Variants in ITGA11 observed in about 807,000 individuals in gnomAD.
The protein encoded by ITGA11 is integrin alpha-11.
ITGA11 carries 97 observed loss-of-function variants against 141.9 expected under a neutral mutation model. The observed-to-expected ratio is 0.68, with a 90% CI of 0.58 to 0.81. The LOEUF is 0.81. ITGA11 is among the 30% of genes least tolerant of loss of function. ITGA11 has a pLI of 0.00. For synonymous variants in ITGA11, 658 were observed against 624.6 expected, an observed-to-expected ratio of 1.05 and a Z score of -0.80; for missense variants, 1,387 against 1,559.2, an observed-to-expected ratio of 0.89 and a Z score of 1.86.
intron 3 of ITGA11, among the ~76,000 whole-genome samples, chr15:68,366,187 T>C (rs1453032474): frequency 3.3e-5 from 5 of 152,130 alleles, no homozygotes; most frequent in African/African-American, 1.2e-4. Context: ...AAAATAACAG[T>C]AAAGCCCCGG....
At chr15:68,353,140 C>T (rs557683286) in intron 7 of ITGA11, among the ~76,000 whole-genome samples, 351 of 152,320 alleles carry the variant, frequency 2.3e-3, no homozygotes, top group African/African-American at 7.2e-3. Context: ...TCTCTTCTTA[C>T]GCAGCACGCT....
At chr15:68,419,172 C>T (rs371798325) in intron 1 of ITGA11, among the ~76,000 whole-genome samples, 11 of 152,162 alleles carry the variant, frequency 7.2e-5, no homozygotes, top group Non-Finnish European at 8.8e-5. Context: ...GTGGGGATGG[C>T]GGACTTTGGG....
chr15:68,387,488 T>C (rs1226384033), intron 2 of ITGA11, among the ~76,000 whole-genome samples: 2 of 152,188 alleles, frequency 1.3e-5, no homozygotes, highest in Non-Finnish European at 2.9e-5. Context: ...TGGAGGTGGG[T>C]TCCAGCAATC....
chr15:68,425,060 A>G (rs1360032776), intron 1 of ITGA11, among the ~76,000 whole-genome samples: 2 of 152,196 alleles, frequency 1.3e-5, no homozygotes, highest in Non-Finnish European at 2.9e-5. Flanking sequence ...TCTAATTTGG[A>G]ATTCCCAGAA....
chr15:68,390,418 C>T (rs920482415), intron 2 of ITGA11, among the ~76,000 whole-genome samples: 1 of 152,014 alleles, frequency 6.6e-6, no homozygotes, highest in Non-Finnish European at 1.5e-5. Flanking sequence ...GATTTGGGGG[C>T]CGGGGCTGGG....
At chr15:68,358,388 C>A in intron 6 of ITGA11, 70 bp downstream of exon 6, 1 of 1,504,416 alleles carries the variant, frequency 6.6e-7, no homozygotes. Flanking sequence ...CTCTCTTAGA[C>A]CTAAGGCAGC....
chr15:68,417,245 C>T (rs7169854), intron 1 of ITGA11, among the ~76,000 whole-genome samples: 61,913 of 152,054 alleles, frequency 0.41, 12,953 homozygotes, highest in Non-Finnish European at 0.45. Flanking sequence ...CCCAGGTTTT[C>T]GCTTCTTAAA....
At chr15:68,327,673 C>T (rs191193828) in intron 16 of ITGA11, among the ~76,000 whole-genome samples, 464 of 152,246 alleles carry the variant, frequency 3.0e-3, no homozygotes, top group African/African-American at 0.011. Context: ...GACTCACACC[C>T]ACTTCTGAGC....
chr15:68,374,910 A>C (rs1388433493), intron 2 of ITGA11, among the ~76,000 whole-genome samples: 1 of 152,190 alleles, frequency 6.6e-6, no homozygotes, highest in African/African-American at 2.4e-5. Context: ...AATGCAATTT[A>C]ATTGCACTTG....
Position 68,313,880 on chromosome 15 carries a change from G to C in ITGA11, c.2793-12C>G, listed in dbSNP as rs1307251723. On this transcript the variant is annotated splice_polypyrimidine_tract_variant and intron_variant, in intron 22 of 29. Coordinates refer to ENST00000315757, the MANE Select transcript of ITGA11 (RefSeq NM_001004439.2). ...GCTCATTACTGTCACTGCAAGGAGAGCCAGGCGGCAAGGTCAGGAAGGGGC... is the reference window on the plus strand; with the variant it reads ...GCTCATTACTGTCACTGCAAGGAGACCCAGGCGGCAAGGTCAGGAAGGGGC... 1.2e-6 allele frequency: 2 copies of C among 1,612,072 alleles called. No individual in the cohort carries two copies. The highest frequency in any genetic ancestry group is 1.7e-6 in the Non-Finnish European group (2 of 1,178,306).
At position 68,305,078 on chromosome 15, in the gene ITGA11, C is replaced by A. The variant is rs536233954; in HGVS notation, c.3382-1193G>T. 2.0e-5 allele frequency among the ~76,000 whole-genome samples: 3 copies of A among 152,238 alleles called. No individual in the cohort carries two copies. The highest frequency in any genetic ancestry group is 7.2e-5 in the African/African-American group (3 of 41,470). ...GCAGTCCTGGCCCTGGCCTGCAAGGCCCTCCCCTCTCGGGTCCCACCTGTC... is the reference window on the plus strand; with the variant it reads ...GCAGTCCTGGCCCTGGCCTGCAAGGACCTCCCCTCTCGGGTCCCACCTGTC... On this transcript the variant is annotated intron_variant, in intron 28 of 29. Coordinates refer to ENST00000315757, the MANE Select transcript of ITGA11 (RefSeq NM_001004439.2). This position sits in a 1 kb window ranked among gnomAD's most constrained non-coding sequence, Gnocchi z 4.6.
In ITGA11 at chr15:68,331,038, T is replaced by G; in HGVS notation, c.1844A>C (p.Asn615Thr). ...TGCCAGGTCGATGAGCCCATCCTCA[T>G]TGAGGTCCAATTGCCCGTGGATGCT... is the stretch of plus-strand genomic sequence containing the variant. Reference protein sequence around the residue: ...GCSIHGQLDLNEDGLIDLAVG... With the variant: ...GCSIHGQLDLTEDGLIDLAVG... Residue 615 changes from asparagine to threonine, a missense_variant, in exon 15 of 30, where the codon AAT becomes ACT. By Grantham distance (65) the Asn-to-Thr change is moderately conservative (BLOSUM62 0). Coordinates refer to ENST00000315757, the MANE Select transcript of ITGA11 (RefSeq NM_001004439.2). 1 of 1,613,326 alleles carries G rather than the reference T, an allele frequency of 6.2e-7. No homozygotes were observed. Among genetic ancestry groups the G allele is most frequent in the Non-Finnish European group, 8.5e-7 (1 of 1,179,664 alleles).
intron 21 of ITGA11, 37 bp downstream of exon 21, chr15:68,317,228 C>T: frequency 7.0e-7 from 1 of 1,437,126 alleles, no homozygotes; most frequent in Non-Finnish European, 9.8e-7. Context: ...TCCCAGTGCC[C>T]ACCCTGACCC....
chr15:68,313,532 G>T (rs1893464861), intron 23 of ITGA11, among the ~76,000 whole-genome samples: 1 of 151,992 alleles, frequency 6.6e-6, no homozygotes, highest in Non-Finnish European at 1.5e-5. Context: ...CTCCCTTCTT[G>T]CCCCTGCTGG....
At chr15:68,394,099 C>T (rs929569855) in intron 2 of ITGA11, among the ~76,000 whole-genome samples, 2 of 152,246 alleles carry the variant, frequency 1.3e-5, no homozygotes, top group Non-Finnish European at 2.9e-5. Flanking sequence ...TGCAAACAAA[C>T]TAGAAAATCT....
At chr15:68,409,218 G>A (rs1305141426) in intron 1 of ITGA11, among the ~76,000 whole-genome samples, 1 of 152,084 alleles carries the variant, frequency 6.6e-6, no homozygotes, top group Non-Finnish European at 1.5e-5. Flanking sequence ...CTTCCTCTGG[G>A]GCCTTCAGCG....
chr15:68,345,530 C>T (rs935305658), intron 10 of ITGA11, among the ~76,000 whole-genome samples: 9 of 152,294 alleles, frequency 5.9e-5, no homozygotes, highest in East Asian at 3.9e-4. Context: ...CTCATTAAGA[C>T]GGCAGCAAAC....
In ITGA11 at chr15:68,332,359, C is replaced by T. The variant is rs1168054465; in HGVS notation, c.1545G>A (p.Val515=). Residue 515 remains valine (V), a synonymous_variant, in exon 13 of 30, where the codon GTG becomes GTA. Coordinates refer to ENST00000315757, the MANE Select transcript of ITGA11 (RefSeq NM_001004439.2). ...GTACCTGTCTCAGCTCATAGACGTA[C>T]ACCTTGCCTCGCTCACGGCCCTCGT... is the stretch of plus-strand genomic sequence containing the variant. ...YFNEGRERGK[V]YVYELRQNLF... is the part of the protein sequence containing the mutation. 1.5e-5 allele frequency: 24 copies of T among 1,607,612 alleles called. No homozygotes were observed. Among genetic ancestry groups the T allele is most frequent in the Non-Finnish European group, 2.0e-5 (24 of 1,177,682 alleles).
intron 5 of ITGA11, among the ~76,000 whole-genome samples, chr15:68,359,531 A>G (rs1327776435): frequency 6.6e-6 from 1 of 152,188 alleles, no homozygotes; most frequent in East Asian, 1.9e-4. Context: ...CTGTAATCCC[A>G]GCTACTCGGG....
Sources: allele counts gnomAD v4.1 joint callset (sites outside exome capture counted in the v4.1 genomes callset), GRCh38; gene constraint gnomAD v4.1.1; non-coding constraint Gnocchi (gnomAD v3.1); transcripts MANE v1.5; gene names NCBI Gene and HGNC (gene_info 2026-07-23, HGNC 2026-07-21).